The following C3orf49 variants were observed in gnomAD, a reference collection of about 807,000 sequenced individuals.
C3orf49 encodes the protein putative uncharacterized protein C3orf49.
In C3orf49, 27 loss-of-function variants were observed where a neutral mutation model predicts 13.3. The ratio of observed to expected loss-of-function variants is 2.02; its 90% CI spans 1.49 to 2.79. The LOEUF (loss-of-function observed/expected upper bound fraction) is 2.79, where lower values mean the gene tolerates loss of function less well. Among genes scored for constraint, C3orf49 ranks in the 30% most tolerant of loss-of-function variants. The pLI is 0.00. For missense variants in C3orf49, 242 were observed against 134.2 expected, an observed-to-expected ratio of 1.80 and a Z score of -3.97; for synonymous variants, 87 against 47.6, an observed-to-expected ratio of 1.83 and a Z score of -3.40.
intron 5 of C3orf49, among the ~76,000 whole-genome samples, chr3:63,843,652 G>C (rs955181058): frequency 4.6e-5 from 7 of 152,108 alleles, no homozygotes; most frequent in Non-Finnish European, 1.0e-4. Flanking sequence ...TGTAATCCCA[G>C]CACTTTGGGA....
the C3orf49 span, among the ~76,000 whole-genome samples, chr3:63,796,667 A>C: frequency 6.6e-6 from 1 of 152,142 alleles, no homozygotes; most frequent in Non-Finnish European, 1.5e-5. Context: ...TCTTATAAGA[A>C]AGTTCTTATT....
At chr3:63,804,917 G>T in the C3orf49 span, 1 of 152,066 alleles carries the variant, frequency 6.6e-6, no homozygotes, top group Non-Finnish European at 1.5e-5. Flanking sequence ...CATATAATAG[G>T]ATTCCAAAGA....
At chr3:63,791,443 G>A in the C3orf49 span, among the ~76,000 whole-genome samples, 5 of 152,200 alleles carry the variant, frequency 3.3e-5, no homozygotes, top group African/African-American at 1.2e-4. Context: ...GCATTGTACT[G>A]AGAGAAAAGG....
intron 4 of C3orf49, 63 bp from the exon 5 acceptor site, chr3:63,831,617 C>T (rs1701532205): frequency 1.5e-6 from 1 of 678,288 alleles, no homozygotes; most frequent in East Asian, 2.7e-5. Context: ...AAGCAACTAT[C>T]CCTTTGATTT....
rs1232674714 is a variant in C3orf49 at position 63,819,603 on chromosome 3, G to C, written c.125+7G>C. 4.3e-6 allele frequency: 3 copies of C among 703,284 alleles called. No homozygotes were observed. The highest frequency in any genetic ancestry group is 7.8e-6 in the Non-Finnish European group (3 of 384,930). 43.6% of individuals were successfully genotyped at this position (703,284 alleles called of 1,614,324 possible). A position where few individuals can be genotyped will look rare whatever the true frequency, so the allele number is the denominator to read the frequency against. On this transcript the variant is annotated splice_region_variant and intron_variant, in intron 1 of 6. Transcript: ENST00000295896. The stretch of plus-strand genomic sequence containing the variant: ...AAAGGAAGGGGATAGAAAGGTAACA[G>C]AGATTCATTTCCTTTTCTGTCAAAT...
rs1032320311 is a variant in C3orf49 at position 63,819,522 on chromosome 3, A to G, written c.51A>G (p.Arg17=). The G allele has an allele frequency of 4.3e-6, 3 of 703,114 alleles. No individual in the cohort carries two copies. Among genetic ancestry groups the G allele is most frequent in the Non-Finnish European group, 7.8e-6 (3 of 385,024 alleles). 43.6% of individuals were successfully genotyped at this position (703,114 alleles called of 1,614,324 possible). Residue 17 remains arginine, a synonymous_variant, in exon 1 of 7, where the codon AGA becomes AGG. Coordinates refer to ENST00000295896, the MANE Select transcript of C3orf49 (RefSeq NM_001355236.2). ...YLPEPFKIAY[R]KVGQCRRFQQ... ...CAGAACCCTTTAAGATTGCCTACAG[A>G]AAAGTTGGACAGTGCCGAAGATTCC...
chr3:63,826,815 AG>A (rs1182362967), intron 2 of C3orf49: 1 of 152,082 alleles, frequency 6.6e-6, no homozygotes. Context: ...TTTAAGAAAA[AG>A]AGAGTACCTG....
chr3:63,820,380 T>C (rs1575794971), intron 1 of C3orf49, among the ~76,000 whole-genome samples: 1 of 152,108 alleles, frequency 6.6e-6, no homozygotes, highest in Admixed American at 6.5e-5. Flanking sequence ...AACACAAAAA[T>C]ATTTAAAAAC....
At chr3:63,791,401 A>G in the C3orf49 span, among the ~76,000 whole-genome samples, 1 of 152,150 alleles carries the variant, frequency 6.6e-6, no homozygotes. Context: ...GTTTCATTTC[A>G]TCTCTGAATT....
intron 5 of C3orf49, chr3:63,838,224 AT>A: frequency 2.2e-6 from 2 of 906,512 alleles, no homozygotes; most frequent in Non-Finnish European, 1.6e-6. Flanking sequence ...TAGAATACAC[AT>A]TTTTTATAGC....
chr3:63,845,578 C>T (rs576016803), intron 6 of C3orf49, among the ~76,000 whole-genome samples: 12 of 152,280 alleles, frequency 7.9e-5, no homozygotes, highest in East Asian at 5.8e-4. Context: ...GGGACATGAA[C>T]TCTGGCTTTT....
the C3orf49 span, among the ~76,000 whole-genome samples, chr3:63,783,387 A>C: frequency 6.6e-6 from 1 of 152,158 alleles, no homozygotes; most frequent in South Asian, 2.1e-4. Flanking sequence ...AAAGACATTT[A>C]AAAAATAATT....
At chr3:63,789,810 CAAA>C in the C3orf49 span, among the ~76,000 whole-genome samples, 1 of 49,638 alleles carries the variant, frequency 2.0e-5, no homozygotes, top group Non-Finnish European at 3.9e-5. Context: ...GACTCTGTCT[CAAA>C]AAAAAAAAAA....
At chr3:63,838,378 C>T (rs1701678074) in intron 5 of C3orf49, 1 of 1,508,240 alleles carries the variant, frequency 6.6e-7, no homozygotes, top group Non-Finnish European at 9.1e-7. Flanking sequence ...TTACCTATTT[C>T]CTTGTAAATT....
the C3orf49 span, among the ~76,000 whole-genome samples, chr3:63,802,564 A>G: frequency 6.6e-6 from 1 of 152,148 alleles, no homozygotes; most frequent in Non-Finnish European, 1.5e-5. Flanking sequence ...ATGTGGCCAC[A>G]TCTTTCTTAG....
chr3:63,845,169 T>C (rs55718599), intron 6 of C3orf49, 87 bp downstream of exon 6: 114 of 558,796 alleles, frequency 2.0e-4, no homozygotes, highest in African/African-American at 1.9e-3. Flanking sequence ...ATCTGAGCTC[T>C]GCTCTCTTTA....
chr3:63,834,031 C>T, intron 5 of C3orf49: 1 of 1,152,394 alleles, frequency 8.7e-7, no homozygotes, highest in Non-Finnish European at 1.2e-6. Context: ...GAGTATTTTA[C>T]TGCCAAAACT....
chr3:63,834,999 G>T (rs1285662397), intron 5 of C3orf49, among the ~76,000 whole-genome samples: 4 of 152,110 alleles, frequency 2.6e-5, no homozygotes, highest in African/African-American at 9.7e-5. Flanking sequence ...ATGTATTCAA[G>T]AAAGTTGAAC....
the C3orf49 span, chr3:63,805,216 T>G: frequency 6.6e-6 from 1 of 152,138 alleles, no homozygotes; most frequent in Non-Finnish European, 1.5e-5. Flanking sequence ...AATTACAAAA[T>G]TTGGAAAAGC....
Sources: gnomAD v4.1 joint callset for allele counts (sites outside exome capture counted in the v4.1 genomes callset) on GRCh38, gnomAD v4.1.1 for gene constraint, MANE v1.5 for transcripts, NCBI Gene and HGNC (gene_info 2026-07-23, HGNC 2026-07-21) for gene names.